RGS7: variants seen among roughly 807,000 people sequenced by gnomAD.
RGS7 encodes regulator of G protein signaling 7.
In RGS7, 27 loss-of-function variants were observed where a neutral mutation model predicts 81.1. The observed-to-expected ratio is 0.33, with a 90% confidence interval of 0.25 to 0.46. The LOEUF (loss-of-function observed/expected upper bound fraction) is 0.46. Among genes scored for constraint, RGS7 ranks in the 20% least tolerant of loss-of-function variants. RGS7 has a pLI of 1.00. For synonymous variants in RGS7, 208 were observed against 207.7 expected, an observed-to-expected ratio of 1.00 and a Z score of -0.01; for missense variants, 396 against 607.4, an observed-to-expected ratio of 0.65 and a Z score of 3.66.
At chr1:240,976,800 CT>C (rs3044719) in intron 4 of RGS7, among the ~76,000 whole-genome samples, 1 of 151,062 alleles carries the variant, frequency 6.6e-6, no homozygotes, top group Non-Finnish European at 1.5e-5. Flanking sequence ...ATCCATCTAT[CT>C]ATCATCTATC....
At chr1:240,794,043 T>C (rs1686573131) in intron 18 of RGS7, among the ~76,000 whole-genome samples, 1 of 152,116 alleles carries the variant, frequency 6.6e-6, no homozygotes, top group Non-Finnish European at 1.5e-5. Flanking sequence ...AGGGCAGAGA[T>C]GTAAAATCAA....
intron 2 of RGS7, among the ~76,000 whole-genome samples, chr1:241,295,198 C>T (rs752966622): frequency 6.6e-6 from 1 of 152,040 alleles, no homozygotes; most frequent in Non-Finnish European, 1.5e-5. Flanking sequence ...CCTGTAATCC[C>T]AGCACTTTGG....
intron 3 of RGS7, among the ~76,000 whole-genome samples, chr1:241,089,063 C>CTCTCTCTCTCTATATATA (rs1374552672): frequency 2.5e-4 from 6 of 23,686 alleles, no homozygotes; most frequent in Admixed American, 4.9e-4. Context: ...CTCTCTCTCT[C>CTCTCTCTCTCTATATATA]TATATATATA....
At chr1:241,146,915 G>C (rs1016310861) in intron 2 of RGS7, among the ~76,000 whole-genome samples, 1 of 152,230 alleles carries the variant, frequency 6.6e-6, no homozygotes, top group East Asian at 1.9e-4. Context: ...TACCTTCAGG[G>C]CCTAATCACC....
At chr1:241,026,709 A>C (rs2059806629) in intron 3 of RGS7, among the ~76,000 whole-genome samples, 1 of 152,140 alleles carries the variant, frequency 6.6e-6, no homozygotes, top group African/African-American at 2.4e-5. Flanking sequence ...ACAGTAAGAG[A>C]GAGACACAAC....
chr1:241,143,701 C>G (rs1488092645), intron 2 of RGS7, among the ~76,000 whole-genome samples: 2 of 152,114 alleles, frequency 1.3e-5, no homozygotes, highest in African/African-American at 4.8e-5. Flanking sequence ...AGAATTAAAC[C>G]ACTTATTTAT....
At chr1:241,261,894 G>A (rs1341255954) in intron 2 of RGS7, among the ~76,000 whole-genome samples, 1 of 151,962 alleles carries the variant, frequency 6.6e-6, no homozygotes, top group Non-Finnish European at 1.5e-5. Context: ...AGAAAAATGG[G>A]GGAAATTTGC....
intron 4 of RGS7, among the ~76,000 whole-genome samples, chr1:240,947,277 T>C (rs1238764692): frequency 6.6e-6 from 1 of 152,224 alleles, no homozygotes; most frequent in Admixed American, 6.5e-5. Flanking sequence ...ATAAATGTGA[T>C]CATCATTCTT....
At chr1:241,131,734 T>G (rs748459191) in intron 2 of RGS7, among the ~76,000 whole-genome samples, 6 of 152,142 alleles carry the variant, frequency 3.9e-5, no homozygotes, top group Non-Finnish European at 7.4e-5. Flanking sequence ...ACATTACAAA[T>G]GTACAAGCTG....
chr1:240,931,199 C>G (rs1342217851), intron 5 of RGS7, among the ~76,000 whole-genome samples: 1 of 152,106 alleles, frequency 6.6e-6, no homozygotes, highest in Non-Finnish European at 1.5e-5. Flanking sequence ...CTCCAAAAAG[C>G]TCAACCAACC....
chr1:241,111,602 C>A (rs377372034), intron 2 of RGS7, among the ~76,000 whole-genome samples: 4 of 150,230 alleles, frequency 2.7e-5, no homozygotes, highest in East Asian at 1.9e-4. Context: ...ATAGCAAGAC[C>A]CCCCCTCTCT....
chr1:241,263,487 A>G (rs1052846042), intron 2 of RGS7, among the ~76,000 whole-genome samples: 3 of 152,098 alleles, frequency 2.0e-5, no homozygotes, highest in African/African-American at 7.2e-5. Context: ...TCGTCTCTGG[A>G]GCTTCTCTGG....
In RGS7 at chr1:240,868,990, A is replaced by C; in HGVS notation, c.451-138T>G. The C allele has an allele frequency of 1.3e-6, 1 of 781,006 alleles. No homozygotes were observed. 48.4% of individuals were successfully genotyped at this position (781,006 alleles called of 1,614,324 possible). A position where few individuals can be genotyped will look rare whatever the true frequency, so the allele number is the denominator to read the frequency against. On this transcript the variant is annotated intron_variant, in intron 7 of 18. Coordinates refer to ENST00000440928, the MANE Select transcript of RGS7 (RefSeq NM_001364886.1). This position sits in a 1 kb window ranked among gnomAD's most constrained non-coding sequence, Gnocchi z 5.1. ...AAGTGTACTGTGGTTCTCAATGATA[A>C]GTCATGCTCCCTGAATTCAGCTCAT...
intron 2 of RGS7, among the ~76,000 whole-genome samples, chr1:241,342,452 A>G (rs1470620925): frequency 1.3e-5 from 2 of 152,230 alleles, no homozygotes; most frequent in Non-Finnish European, 2.9e-5. Context: ...AAAAACCTCC[A>G]TGAGATTATT....
chr1:241,289,216 A>G (rs922983472), intron 2 of RGS7, among the ~76,000 whole-genome samples: 5 of 152,312 alleles, frequency 3.3e-5, no homozygotes, highest in African/African-American at 9.6e-5. Context: ...CCTCTCCATC[A>G]TGCCTCAGTG....
intron 2 of RGS7, among the ~76,000 whole-genome samples, chr1:241,245,513 C>T (rs780987039): frequency 8.7e-5 from 13 of 148,940 alleles, no homozygotes; most frequent in African/African-American, 2.7e-4. Context: ...AAAAAGAAAA[C>T]GTGTGTGTGT....
chr1:240,950,670 T>G (rs1679405640), intron 4 of RGS7, among the ~76,000 whole-genome samples: 1 of 152,142 alleles, frequency 6.6e-6, no homozygotes, highest in African/African-American at 2.4e-5. Context: ...ACCATACCTA[T>G]AGGCTATGGT....
chr1:241,304,297 G>A (rs75922685), intron 2 of RGS7, among the ~76,000 whole-genome samples: 11,835 of 152,206 alleles, frequency 0.078, 601 homozygotes, highest in South Asian at 0.19. Flanking sequence ...TCGCAAGTGT[G>A]AAAATAGAGA....
At chr1:241,288,214 T>A (rs2078921031) in intron 2 of RGS7, among the ~76,000 whole-genome samples, 1 of 152,238 alleles carries the variant, frequency 6.6e-6, no homozygotes, top group Non-Finnish European at 1.5e-5. Context: ...GAACTTGATG[T>A]TTCATCAGCC....
Sources: gnomAD v4.1 joint callset for allele counts (sites outside exome capture counted in the v4.1 genomes callset) on GRCh38, gnomAD v4.1.1 for gene constraint, Gnocchi (gnomAD v3.1) non-coding constraint, MANE v1.5 for transcripts, NCBI Gene and HGNC (gene_info 2026-07-23, HGNC 2026-07-21) for gene names.